MTMR7: variants seen among roughly 807,000 people sequenced by gnomAD.
MTMR7 encodes myotubularin related protein 7.
A neutral mutation model predicts 81.2 loss-of-function variants in MTMR7; 76 were observed. The ratio of observed to expected loss-of-function variants is 0.94; its 90% confidence interval spans 0.78 to 1.13. The LOEUF (loss-of-function observed/expected upper bound fraction) is 1.13. Among genes scored for constraint, MTMR7 ranks in the 50% most tolerant of loss-of-function variants. The pLI is 0.00. For synonymous variants in MTMR7, 372 were observed against 289.8 expected (o/e 1.28, Z -2.88); for missense variants, 1,044 against 820.0 (o/e 1.27, Z -3.34).
At chr8:17,317,972 A>T (rs771847305) in intron 7 of MTMR7, among the ~76,000 whole-genome samples, 2 of 151,930 alleles carry the variant, frequency 1.3e-5, no homozygotes, top group African/African-American at 4.8e-5. Context: ...AAGTTATTAT[A>T]TGTTGTGTTT....
Position 17,369,629 on chromosome 8 carries a change from ATTTCTTTT to A in MTMR7, c.310+1400_310+1407del, listed in dbSNP as rs1460933575. Among the ~76,000 whole-genome samples, 5 of 137,950 alleles carry A rather than the reference ATTTCTTTT, an allele frequency of 3.6e-5. No individual in the cohort carries two copies. In the South Asian group the frequency reaches 6.9e-4, roughly 19 times the overall value. The allele number at this position is 137,950 out of a possible 152,430, so 90.5% of individuals were successfully genotyped here. The stretch of plus-strand genomic sequence containing the variant: ...AGAAACTTAGAGTATAGTAGAGTAT[ATTTCTTTT>A]TTTCTTTTTTTTTTTTTTTTTTTTT... On this transcript the variant is annotated intron_variant, in intron 3 of 13. Transcript: ENST00000180173.
intron 1 of MTMR7, among the ~76,000 whole-genome samples, chr8:17,400,122 G>C (rs544824041): frequency 4.6e-5 from 7 of 151,900 alleles, no homozygotes; most frequent in Non-Finnish European, 1.0e-4. Context: ...ATGTTTATTT[G>C]TTTACTGTTG....
chr8:17,392,615 C>T (rs1364318885), intron 1 of MTMR7, among the ~76,000 whole-genome samples: 4 of 152,220 alleles, frequency 2.6e-5, no homozygotes, highest in Non-Finnish European at 4.4e-5. Flanking sequence ...GCAGAGGCTT[C>T]CTGAGCGAAA....
chr8:17,355,375 T>G (rs946184758), intron 4 of MTMR7, among the ~76,000 whole-genome samples: 1 of 152,130 alleles, frequency 6.6e-6, no homozygotes, highest in African/African-American at 2.4e-5. Context: ...AAGAGGAAGA[T>G]TCAGTGTCAT....
chr8:17,401,555 G>A (rs984019399), intron 1 of MTMR7, among the ~76,000 whole-genome samples: 1 of 152,094 alleles, frequency 6.6e-6, no homozygotes, highest in Admixed American at 6.6e-5. Context: ...ATAAACTGGT[G>A]GGGGAGCGGC....
chr8:17,401,278 G>A (rs376503444), intron 1 of MTMR7, among the ~76,000 whole-genome samples: 1 of 152,114 alleles, frequency 6.6e-6, no homozygotes, highest in Admixed American at 6.6e-5. Flanking sequence ...AAAAAAGTGT[G>A]GGAGCAAACC....
intron 1 of MTMR7, among the ~76,000 whole-genome samples, chr8:17,403,744 C>A (rs1461715999): frequency 6.6e-6 from 1 of 152,164 alleles, no homozygotes; most frequent in Non-Finnish European, 1.5e-5. Context: ...TCTTCAATTT[C>A]TTTCATCAGC....
intron 5 of MTMR7, among the ~76,000 whole-genome samples, chr8:17,342,037 G>C (rs1038641855): frequency 6.6e-6 from 1 of 151,876 alleles, no homozygotes; most frequent in South Asian, 2.1e-4. Context: ...GTTTGAAACC[G>C]AAGGACAGCA....
intron 1 of MTMR7, among the ~76,000 whole-genome samples, chr8:17,381,460 T>A (rs1043332636): frequency 6.6e-6 from 1 of 152,106 alleles, no homozygotes; most frequent in African/African-American, 2.4e-5. Context: ...GGTCTTTCTA[T>A]CCTGCAGGTC....
At chr8:17,312,852 C>T (rs1284315483) in intron 8 of MTMR7, among the ~76,000 whole-genome samples, 1 of 152,138 alleles carries the variant, frequency 6.6e-6, no homozygotes, top group Non-Finnish European at 1.5e-5. Flanking sequence ...TCTAAAACAG[C>T]TTATGTGAAA....
intron 2 of MTMR7, 143 bp from the exon 3 acceptor site, chr8:17,371,342 G>A: frequency 1.2e-6 from 1 of 830,030 alleles, no homozygotes; most frequent in Non-Finnish European, 1.8e-6. Context: ...CAGATGACAA[G>A]CACTGAGATG....
intron 7 of MTMR7, among the ~76,000 whole-genome samples, chr8:17,326,908 C>A (rs1818711163): frequency 6.6e-6 from 1 of 152,126 alleles, no homozygotes; most frequent in Non-Finnish European, 1.5e-5. Context: ...AAGGAATATA[C>A]CGACCATAGC....
In MTMR7 at chr8:17,304,559, G is replaced by A. The variant is rs1310651938; in HGVS notation, c.1353-40C>T. ...ATAAGTCTATAAATGACCTATTTTG[G>A]TGCTTACACACAGTAGATATGTTAT... On this transcript the variant is annotated intron_variant, in intron 11 of 13. Transcript: ENST00000180173. 6.3e-6 allele frequency: 10 copies of A among 1,591,812 alleles called. No homozygotes were observed. The African/African-American group carries it at 9.4e-5, about 15-fold the overall frequency.
intron 3 of MTMR7, among the ~76,000 whole-genome samples, chr8:17,362,344 G>T (rs911840780): frequency 6.6e-6 from 1 of 152,146 alleles, no homozygotes; most frequent in African/African-American, 2.4e-5. Context: ...GCTATCTGTG[G>T]CCAGTGGCTA....
At chr8:17,354,155 A>G (rs966026973) in intron 4 of MTMR7, among the ~76,000 whole-genome samples, 15 of 152,224 alleles carry the variant, frequency 9.9e-5, no homozygotes. Flanking sequence ...AGATATCTAT[A>G]CAGACAATCT....
intron 4 of MTMR7, among the ~76,000 whole-genome samples, chr8:17,354,537 TA>T (rs1242544139): frequency 6.6e-6 from 1 of 152,168 alleles, no homozygotes; most frequent in Non-Finnish European, 1.5e-5. Flanking sequence ...ATAATAGTAA[TA>T]ATTAGCCTGC....
chr8:17,300,850 T>A (rs1817063431), intron 13 of MTMR7, among the ~76,000 whole-genome samples: 1 of 152,258 alleles, frequency 6.6e-6, no homozygotes, highest in Admixed American at 6.5e-5. Flanking sequence ...ATGTTTTATA[T>A]AAATTGAATG....
chr8:17,386,968 G>C (rs1820961812), intron 1 of MTMR7, among the ~76,000 whole-genome samples: 1 of 152,136 alleles, frequency 6.6e-6, no homozygotes, highest in South Asian at 2.1e-4. Flanking sequence ...TCAAACAGTA[G>C]TCACTCTAGA....
intron 12 of MTMR7, among the ~76,000 whole-genome samples, chr8:17,303,155 T>C (rs1008633191): frequency 1.3e-5 from 2 of 152,188 alleles, no homozygotes; most frequent in Admixed American, 1.3e-4. Context: ...TGTCATTGTT[T>C]TATCTGCAGT....
Sources: allele counts gnomAD v4.1 joint callset (sites outside exome capture counted in the v4.1 genomes callset), GRCh38; gene constraint gnomAD v4.1.1; transcripts MANE v1.5; gene names NCBI Gene and HGNC (gene_info 2026-07-23, HGNC 2026-07-21).